Variants in PLIN5 observed in about 807,000 individuals in gnomAD.
The protein encoded by PLIN5 is perilipin-5.
PLIN5 carries 34 observed loss-of-function variants against 32.8 expected under a neutral mutation model. The ratio of observed to expected loss-of-function variants is 1.04; its 90% CI spans 0.79 to 1.38. The LOEUF is 1.38. Ranked by LOEUF, PLIN5 falls within the 40% of genes most tolerant of loss-of-function variation. PLIN5 has a pLI of 0.00. For missense variants in PLIN5, 712 were observed against 660.5 expected (o/e 1.08, Z -0.85); for synonymous variants, 309 against 292.9 (o/e 1.05, Z -0.56).
At chr19:4,532,764 G>C (rs1261734977) in intron 2 of PLIN5, 1 of 152,244 alleles carries the variant, frequency 6.6e-6, no homozygotes, top group African/African-American at 2.4e-5. Flanking sequence ...AAGCCTCCTA[G>C]CCTCAAGCAA....
rs545860950 is a variant in PLIN5 at position 4,525,319 on chromosome 19, G to T, written c.721-243C>A. ...CAGGTGCCCTCTGGTGGCTGCTGCG[G>T]GGAGGGAAGAGCTGAGGATGGGAGG... On this transcript the variant is annotated intron_variant, in intron 6 of 7. Coordinates refer to ENST00000381848, the MANE Select transcript of PLIN5 (RefSeq NM_001013706.3). This position sits in a 1 kb window ranked among gnomAD's most constrained non-coding sequence, Gnocchi z 5.6. Among the ~76,000 whole-genome samples, 2 of 152,280 alleles carry T rather than the reference G, an allele frequency of 1.3e-5. 1 individual carries two copies. The highest frequency in any genetic ancestry group is 4.1e-4 in the South Asian group (2 of 4,830).
intron 2 of PLIN5, 95 bp from the exon 3 acceptor site, chr19:4,531,917 G>A (rs943432611): frequency 5.4e-6 from 7 of 1,300,236 alleles, no homozygotes; most frequent in Non-Finnish European, 7.1e-6. Flanking sequence ...GACGAGGGAT[G>A]GGAGAGTGGA....
intron 4 of PLIN5, chr19:4,529,490 A>G (rs1976851952): frequency 5.4e-6 from 3 of 551,520 alleles, no homozygotes; most frequent in South Asian, 2.6e-5. Context: ...ATACACATAT[A>G]CACACATATA....
At chr19:4,528,274 G>C (rs542955077) in intron 5 of PLIN5, among the ~76,000 whole-genome samples, 1 of 152,304 alleles carries the variant, frequency 6.6e-6, no homozygotes, top group East Asian at 1.9e-4. Context: ...TAAGGCCAGA[G>C]TTGGACATTC....
intron 7 of PLIN5, among the ~76,000 whole-genome samples, chr19:4,524,323 G>C (rs1006770209): frequency 6.6e-6 from 1 of 152,176 alleles, no homozygotes; most frequent in African/African-American, 2.4e-5. Context: ...AGGCCGAGTC[G>C]GGCGGATCAC....
At chr19:4,533,541 G>A (rs757001616) in intron 2 of PLIN5, 4 of 207,100 alleles carry the variant, frequency 1.9e-5, no homozygotes, top group Middle Eastern at 1.8e-3. Flanking sequence ...CTGCCTGCAA[G>A]TTGTGTGAAC....
At chr19:4,528,100 G>A (rs1210340010) in intron 5 of PLIN5, among the ~76,000 whole-genome samples, 3 of 151,672 alleles carry the variant, frequency 2.0e-5, no homozygotes, top group Non-Finnish European at 2.9e-5. Context: ...TAGTAGAGAC[G>A]GGGTTTCACC....
Position 4,523,606 on chromosome 19 carries a change from G to A in PLIN5, c.1314C>T (p.Ala438=), listed in dbSNP as rs370571177. The change falls in exon 8 of 8, where the codon GCC becomes GCT. Residue 438 remains alanine (A), a synonymous_variant. Coordinates refer to ENST00000381848, the MANE Select transcript of PLIN5 (RefSeq NM_001013706.3). This position sits in a 1 kb window ranked among gnomAD's most constrained non-coding sequence, Gnocchi z 5.0. ...GNGDGDRMGV[A]GDICEQEPET... ...CGGGTTCCTGCTCGCAGATGTCCCC[G>A]GCAACACCCATCCTGTCCCCATCCC... The A allele has an allele frequency of 5.3e-5, 85 of 1,608,418 alleles. No homozygotes were observed. The East Asian group carries it at 9.9e-4, about 19-fold the overall frequency.
rs1479853263 is a variant in PLIN5, at chr19:4,526,642, C to CT, written c.521-811dup. On this transcript the variant is annotated intron_variant, in intron 5 of 7. Transcript: ENST00000381848. ...GATTGCTTGAGCCCAGGGAGGATTA[C>CT]TTTGAGACTAGCTTAGGCAATACAG... Among the ~76,000 whole-genome samples, 9 of 150,768 alleles carry CT rather than the reference C, an allele frequency of 6.0e-5. No individual in the cohort carries two copies. The East Asian group carries it at 1.0e-3, about 17-fold the overall frequency.
At chr19:4,529,607 G>GTA (rs749204339) in intron 4 of PLIN5, 177 bp downstream of exon 4, 11 of 300,110 alleles carry the variant, frequency 3.7e-5, no homozygotes, top group Admixed American at 1.7e-4. Context: ...ATACATATAT[G>GTA]TATACACACA....
In PLIN5 at chr19:4,523,508, C is replaced by G. The variant is rs367556183; in HGVS notation, c.*20G>C. On this transcript the variant is annotated 3_prime_UTR_variant, in exon 8 of 8. Coordinates refer to ENST00000381848, the MANE Select transcript of PLIN5 (RefSeq NM_001013706.3). This position sits in a 1 kb window ranked among gnomAD's most constrained non-coding sequence, Gnocchi z 5.0. ...GGGTGTGCAGGTGGCCTTTCCTCCC[C>G]GCCTCCACTGGCCCATGGGTCAGAA... 6.5e-7 allele frequency: 1 copy of G among 1,527,086 alleles called. No homozygotes were observed. Among genetic ancestry groups the G allele is most frequent in the Admixed American group, 2.0e-5 (1 of 49,958 alleles). The allele number at this position is 1,527,086 out of a possible 1,614,324, so 94.6% of individuals were successfully genotyped here. A position where few individuals can be genotyped will look rare whatever the true frequency, so the allele number is the denominator to read the frequency against.
intron 5 of PLIN5, among the ~76,000 whole-genome samples, chr19:4,528,242 C>A (rs577340475): frequency 1.3e-5 from 2 of 152,006 alleles, no homozygotes; most frequent in Admixed American, 6.6e-5. Flanking sequence ...TGGGGGTAAG[C>A]CCATACATTC....
At chr19:4,528,934 A>C in intron 5 of PLIN5, 139 bp downstream of exon 5, 606 of 821,196 alleles carry the variant, frequency 7.4e-4, no homozygotes, top group Non-Finnish European at 9.9e-4. Flanking sequence ...GGGAGGGAGG[A>C]CAGGCCTGGT....
chr19:4,529,627 ACACACACAC>A, intron 4 of PLIN5, 148 bp downstream of exon 4: 1 of 501,218 alleles, frequency 2.0e-6, no homozygotes, highest in Non-Finnish European at 3.6e-6. Flanking sequence ...ACACACACAC[ACACACACAC>A]ACACACACAC....
rs769716536 is a variant in PLIN5 at position 4,529,878 on chromosome 19, G to C, written c.257-12C>G. On this transcript the variant is annotated splice_polypyrimidine_tract_variant and intron_variant, in intron 3 of 7. Transcript: ENST00000381848. ...GTTCATAGTGGCCACTGAAGGGAGA[G>C]AGGCGGGGAGTGAGACTCGGGGAGA... 13 of 1,577,648 alleles carry C rather than the reference G, an allele frequency of 8.2e-6. No homozygotes were observed. Among genetic ancestry groups the C allele is most frequent in the Non-Finnish European group, 8.7e-6 (10 of 1,154,266 alleles).
intron 5 of PLIN5, among the ~76,000 whole-genome samples, chr19:4,526,254 C>A (rs544034217): frequency 1.4e-4 from 21 of 152,124 alleles, no homozygotes; most frequent in African/African-American, 4.6e-4. Context: ...TGGAGTCTCG[C>A]TCTGTCCCCT....
chr19:4,532,344 A>C (rs1161667340), intron 2 of PLIN5: 1 of 152,600 alleles, frequency 6.6e-6, no homozygotes, highest in Non-Finnish European at 1.5e-5. Context: ...GGCATGCGCC[A>C]CCATACCCGT....
chr19:4,524,810 C>T (rs183737984), intron 7 of PLIN5, among the ~76,000 whole-genome samples, 153 bp downstream of exon 7: 4 of 152,254 alleles, frequency 2.6e-5, no homozygotes, highest in East Asian at 1.9e-4. Context: ...TTTCCCCCCC[C>T]AGACACCTCA....
intron 7 of PLIN5, among the ~76,000 whole-genome samples, chr19:4,524,388 C>A (rs1433831017): frequency 6.6e-6 from 1 of 152,106 alleles, no homozygotes; most frequent in Non-Finnish European, 1.5e-5. Context: ...CCCGTATCTA[C>A]CAAAAATACA....
Sources: allele counts gnomAD v4.1 joint callset (sites outside exome capture counted in the v4.1 genomes callset), GRCh38; gene constraint gnomAD v4.1.1; non-coding constraint Gnocchi (gnomAD v3.1); transcripts MANE v1.5; gene names NCBI Gene and HGNC (gene_info 2026-07-23, HGNC 2026-07-21).